Variants in PADI1 observed in about 807,000 individuals in gnomAD.
PADI1 encodes the protein peptidyl arginine deiminase 1, also known as protein-arginine deiminase type-1.
PADI1 carries 65 observed loss-of-function variants against 74.8 expected under a neutral mutation model. The ratio of observed to expected loss-of-function variants is 0.87; its 90% CI spans 0.71 to 1.07. The LOEUF (loss-of-function observed/expected upper bound fraction) is 1.07, where lower values mean the gene tolerates loss of function less well. Ranked by LOEUF, PADI1 falls within the 50% of genes least tolerant of loss-of-function variation. The pLI, the probability that PADI1 is intolerant of heterozygous loss-of-function variation, is 0.00. For synonymous variants in PADI1, 371 were observed against 336.2 expected (o/e 1.10, Z -1.13); for missense variants, 943 against 854.0 (o/e 1.10, Z -1.30).
chr1:17,226,401 G>C (rs1052043561), intron 6 of PADI1, among the ~76,000 whole-genome samples: 1 of 152,176 alleles, frequency 6.6e-6, no homozygotes, highest in African/African-American at 2.4e-5. Flanking sequence ...ATCTGGGGTG[G>C]AGCAGGCATT....
intron 1 of PADI1, among the ~76,000 whole-genome samples, chr1:17,207,511 C>T (rs1198223347): frequency 1.3e-5 from 2 of 152,206 alleles, no homozygotes; most frequent in African/African-American, 4.8e-5. Context: ...CCGTGGGTGC[C>T]CTGGCAGTGC....
At chr1:17,207,445 T>A (rs1310933505) in intron 1 of PADI1, among the ~76,000 whole-genome samples, 5 of 152,170 alleles carry the variant, frequency 3.3e-5, no homozygotes, top group Non-Finnish European at 5.9e-5. Context: ...ATAACACCAG[T>A]TATAATGGGT....
chr1:17,224,226 C>G (rs563125094), intron 3 of PADI1, 141 bp from the exon 4 acceptor site: 2 of 702,874 alleles, frequency 2.8e-6, no homozygotes, highest in East Asian at 2.7e-5. Flanking sequence ...AGAGGTCTCC[C>G]AAGTGTGGGG....
Position 17,240,606 on chromosome 1 carries a change from C to T in PADI1, c.1633-29C>T, listed in dbSNP as rs2072754661. On this transcript the variant is annotated intron_variant, in intron 14 of 15. Coordinates refer to ENST00000375471, the MANE Select transcript of PADI1 (RefSeq NM_013358.3). ...GGCCAGTGTTATGCTCTTCCTAGTC[C>T]TGGGCTGCCCAGCTGCCTCCTTCCC... is the stretch of plus-strand genomic sequence containing the variant. 4 of 1,594,086 alleles carry T rather than the reference C, an allele frequency of 2.5e-6. No individual in the cohort carries two copies. In the South Asian group the frequency reaches 4.4e-5, roughly 18 times the overall value.
At chr1:17,243,901 C>CT (rs2072826562) in intron 15 of PADI1, 109 bp from the exon 16 acceptor site, 1 of 728,712 alleles carries the variant, frequency 1.4e-6, no homozygotes, top group Non-Finnish European at 2.3e-6. Flanking sequence ...TAGGCTGTGG[C>CT]TATGGCCAAC....
intron 1 of PADI1, among the ~76,000 whole-genome samples, chr1:17,221,878 A>G (rs1039012132): frequency 1.3e-5 from 2 of 152,148 alleles, no homozygotes; most frequent in African/African-American, 4.8e-5. Flanking sequence ...CAGCAAAGGA[A>G]CAACACGCTC....
Position 17,206,488 on chromosome 1 carries a change from T to C in PADI1, c.92+1179T>C, listed in dbSNP as rs923011049. On this transcript the variant is annotated intron_variant, in intron 1 of 15. Coordinates refer to ENST00000375471, the MANE Select transcript of PADI1 (RefSeq NM_013358.3). Reference sequence around the variant, plus strand: ...GGGGGCTGGTTCTCTCGGGTCTAGGTGGCCAGCAGAGACCCCATTGTCTCT... The same window carrying C: ...GGGGGCTGGTTCTCTCGGGTCTAGGCGGCCAGCAGAGACCCCATTGTCTCT... Among the ~76,000 whole-genome samples, 69 of 152,248 alleles carry C rather than the reference T, an allele frequency of 4.5e-4. 1 individual carries two copies. The highest frequency in any genetic ancestry group is 1.6e-3 in the African/African-American group (68 of 41,534).
intron 1 of PADI1, among the ~76,000 whole-genome samples, chr1:17,211,457 C>A (rs1461665678): frequency 6.6e-6 from 1 of 152,150 alleles, no homozygotes; most frequent in Non-Finnish European, 1.5e-5. Context: ...CCATGCCCAG[C>A]CGGCAGCCCT....
At chr1:17,220,381 G>T (rs915164218) in intron 1 of PADI1, among the ~76,000 whole-genome samples, 68 of 152,144 alleles carry the variant, frequency 4.5e-4, no homozygotes, top group African/African-American at 1.6e-3. Flanking sequence ...CCAGAGGGCT[G>T]AATATTTGGG....
chr1:17,230,076 C>A lies in PADI1; in HGVS notation c.930-9C>A, dbSNP rs757874221. The A allele has an allele frequency of 6.2e-7, 1 of 1,612,468 alleles. No homozygotes were observed. The highest frequency in any genetic ancestry group is 8.5e-7 in the Non-Finnish European group (1 of 1,179,026). On this transcript the variant is annotated splice_polypyrimidine_tract_variant and intron_variant, in intron 8 of 15. Coordinates refer to ENST00000375471, the MANE Select transcript of PADI1 (RefSeq NM_013358.3). ...CATTAGCATGCTCCCCTCTCCCTAC[C>A]TTTTACAGAGTGATGGACACTCATG...
chr1:17,230,753 G>A (rs888088421), intron 10 of PADI1, 74 bp downstream of exon 10: 9 of 818,066 alleles, frequency 1.1e-5, no homozygotes, highest in Non-Finnish European at 1.6e-5. Context: ...GTCTCATCTG[G>A]ACCTAGTCCT....
Position 17,225,809 on chromosome 1 carries a change from A to G in PADI1, c.409-2A>G. Reference sequence around the variant, plus strand: ...ATCCCAAGGCATCTTATTTTGCCACAGAAAACCTGGCGCTGGGGCCCTGAG... The same window carrying G: ...ATCCCAAGGCATCTTATTTTGCCACGGAAAACCTGGCGCTGGGGCCCTGAG... On this transcript the variant is annotated splice_acceptor_variant, in intron 4 of 15. Transcript: ENST00000375471. LOFTEE classifies it high-confidence loss of function. 6.2e-7 allele frequency: 1 copy of G among 1,613,440 alleles called. No individual in the cohort carries two copies. The highest frequency in any genetic ancestry group is 8.5e-7 in the Non-Finnish European group (1 of 1,179,434).
chr1:17,228,388 CTT>C (rs894726644), intron 6 of PADI1, among the ~76,000 whole-genome samples: 17 of 152,220 alleles, frequency 1.1e-4, no homozygotes, highest in African/African-American at 3.6e-4. Context: ...GCTTCTATCT[CTT>C]TATTTAGTTT....
chr1:17,230,491 C>A (rs1346891753), intron 9 of PADI1, 81 bp from the exon 10 acceptor site: 2 of 982,304 alleles, frequency 2.0e-6, no homozygotes, highest in Non-Finnish European at 3.0e-6. Flanking sequence ...CCCTGCCCTG[C>A]CCCAGGCCTG....
At chr1:17,237,864 G>A (rs1394700599) in intron 12 of PADI1, among the ~76,000 whole-genome samples, 1 of 152,140 alleles carries the variant, frequency 6.6e-6, no homozygotes, top group Non-Finnish European at 1.5e-5. Context: ...GCAGGTGTCA[G>A]GATAGGATTC....
Position 17,226,156 on chromosome 1 carries a change from G to C in PADI1, c.650G>C (p.Arg217Thr), listed in dbSNP as rs201733090. 2.5e-6 allele frequency: 4 copies of C among 1,614,094 alleles called. No homozygotes were observed. Among genetic ancestry groups the C allele is most frequent in the Admixed American group, 3.3e-5 (2 of 60,016 alleles). Residue 217 changes from arginine to threonine, a missense_variant and splice_region_variant, in exon 6 of 16, where the codon AGG becomes ACG. Arg to Thr is a moderately conservative substitution (Grantham distance 71). Transcript: ENST00000375471. ...DSKRVRVFCA[R>T]GGNSLSDYKQ... ...AAAAGAGTGAGGGTCTTCTGTGCCA[G>C]GGGTGAGTGGCCTGATGGGGCCTTT... is the stretch of plus-strand genomic sequence containing the variant.
chr1:17,239,635 T>C, intron 13 of PADI1, 69 bp from the exon 14 acceptor site: 2 of 1,166,886 alleles, frequency 1.7e-6, no homozygotes, highest in Non-Finnish European at 2.6e-6. Context: ...CTGGATTATG[T>C]AGCCCCAGGC....
intron 15 of PADI1, among the ~76,000 whole-genome samples, chr1:17,241,416 G>A (rs924284401): frequency 1.3e-5 from 2 of 152,238 alleles, no homozygotes; most frequent in Non-Finnish European, 2.9e-5. Flanking sequence ...TTCAGACTGC[G>A]GTCTTTAGCT....
chr1:17,228,759 G>C lies in PADI1; in HGVS notation c.787G>C (p.Gly263Arg). The change falls in exon 7 of 16, where the codon GGG becomes CGG. Residue 263 changes from glycine to arginine, a missense_variant. Transcript: ENST00000375471. ...GACCTTCCCCGATGCCGATTTCCTA[G>C]GGCTGGTTTCCCTCAGTGTCAGCCT... Reference protein sequence around the residue: ...GLTFPDADFLGLVSLSVSLVD... With the variant: ...GLTFPDADFLRLVSLSVSLVD... 1 of 1,614,198 alleles carries C rather than the reference G, an allele frequency of 6.2e-7. No individual in the cohort carries two copies. The highest frequency in any genetic ancestry group is 8.5e-7 in the Non-Finnish European group (1 of 1,180,030).
Sources: allele counts gnomAD v4.1 joint callset (sites outside exome capture counted in the v4.1 genomes callset), GRCh38; gene constraint gnomAD v4.1.1; transcripts MANE v1.5; gene names NCBI Gene and HGNC (gene_info 2026-07-23, HGNC 2026-07-21).